The following FAR2 variants were observed in gnomAD, a reference collection of about 807,000 sequenced individuals.
The protein encoded by FAR2 is epididymis secretory protein Li 81.
FAR2 carries 19 observed loss-of-function variants against 56.0 expected under a neutral mutation model. The ratio of observed to expected loss-of-function variants is 0.34; its 90% confidence interval spans 0.24 to 0.50. The LOEUF (loss-of-function observed/expected upper bound fraction) is 0.50, where lower values mean the gene tolerates loss of function less well. FAR2 is among the 20% of genes least tolerant of loss of function. The pLI, the probability that FAR2 is intolerant of heterozygous loss-of-function variation, is 0.98. For synonymous variants in FAR2, 219 were observed against 218.8 expected (o/e 1.00, Z -0.01); for missense variants, 508 against 642.2 (o/e 0.79, Z 2.26).
chr12:29,239,451 A>G (rs1947991354), intron 1 of FAR2, among the ~76,000 whole-genome samples: 3 of 60,300 alleles, frequency 5.0e-5, no homozygotes, highest in Admixed American at 2.1e-4. Context: ...AAATGAATCA[A>G]CTGTGTGTGT....
chr12:29,168,135 G>C (rs1266991598), intron 1 of FAR2, among the ~76,000 whole-genome samples: 1 of 152,164 alleles, frequency 6.6e-6, no homozygotes, highest in East Asian at 1.9e-4. Context: ...TGCCAGGGAA[G>C]TCTTTCCTGC....
At chr12:29,318,740 T>C (rs1172164816) in intron 9 of FAR2, among the ~76,000 whole-genome samples, 3 of 152,206 alleles carry the variant, frequency 2.0e-5, no homozygotes, top group Admixed American at 6.5e-5. Context: ...TAATTTTCCA[T>C]GAAAATCTAA....
intron 1 of FAR2, among the ~76,000 whole-genome samples, chr12:29,260,892 A>C (rs1241332431): frequency 6.6e-6 from 1 of 152,204 alleles, no homozygotes; most frequent in Non-Finnish European, 1.5e-5. Context: ...CCACCAAGGC[A>C]GTACCTTCAT....
In FAR2 at chr12:29,333,689, TCTC is replaced by T; in HGVS notation, c.1444_1446del (p.Leu482del). Reference sequence around the variant, plus strand: ...CCCTCTTCCTTATCGCCTGGCGCCTTCTCATTGCAAGATCTCAGATGGCTCGGA... The same window carrying T: ...CCCTCTTCCTTATCGCCTGGCGCCTTATTGCAAGATCTCAGATGGCTCGGA... On this transcript the variant is annotated inframe_deletion, in exon 12 of 12. Transcript: ENST00000536681. 1.2e-6 allele frequency: 2 copies of T among 1,613,892 alleles called. No homozygotes were observed. Among genetic ancestry groups the T allele is most frequent in the African/African-American group, 1.3e-5 (1 of 75,038 alleles).
intron 1 of FAR2, among the ~76,000 whole-genome samples, chr12:29,257,127 G>A (rs1022561909): frequency 3.9e-5 from 6 of 152,244 alleles, no homozygotes; most frequent in African/African-American, 1.4e-4. Context: ...GGGACGTGGA[G>A]AACCTTTGTG....
chr12:29,276,788 T>G (rs1948708751), intron 2 of FAR2, among the ~76,000 whole-genome samples: 1 of 151,908 alleles, frequency 6.6e-6, no homozygotes, highest in Non-Finnish European at 1.5e-5. Context: ...TATTTTTTTA[T>G]ATTTTTTAAG....
chr12:29,204,946 A>G (rs1947462329), intron 1 of FAR2, among the ~76,000 whole-genome samples: 1 of 152,206 alleles, frequency 6.6e-6, no homozygotes, highest in South Asian at 2.1e-4. Flanking sequence ...AATGGAGATT[A>G]TAATTCAACA....
At chr12:29,312,051 G>A in intron 8 of FAR2, 101 bp downstream of exon 8, 1 of 765,862 alleles carries the variant, frequency 1.3e-6, no homozygotes, top group East Asian at 2.6e-5. Flanking sequence ...TGGGGAGAAA[G>A]ACAAAAAGTA....
At chr12:29,171,083 A>G (rs1248681497) in intron 1 of FAR2, among the ~76,000 whole-genome samples, 1 of 152,264 alleles carries the variant, frequency 6.6e-6, no homozygotes, top group African/African-American at 2.4e-5. Context: ...ATACCTGATT[A>G]CAGGCTGTTC....
At chr12:29,183,347 A>C (rs889314534) in intron 1 of FAR2, among the ~76,000 whole-genome samples, 4 of 152,098 alleles carry the variant, frequency 2.6e-5, no homozygotes, top group Non-Finnish European at 4.4e-5. Flanking sequence ...TATCACCTAC[A>C]TATCAATGAC....
Position 29,334,934 on chromosome 12 carries a change from T to C in FAR2, c.*1140T>C, listed in dbSNP as rs770329445. 5 of 152,194 alleles carry C rather than the reference T, an allele frequency of 3.3e-5. No individual in the cohort carries two copies. The highest frequency in any genetic ancestry group is 7.4e-5 in the Non-Finnish European group (5 of 68,024). 9.4% of individuals were successfully genotyped at this position (152,194 alleles called of 1,614,324 possible). A position where few individuals can be genotyped will look rare whatever the true frequency, so the allele number is the denominator to read the frequency against. ...AATACAAACTAATGAAAACTATACATATTCTCCAATTCCTATAGTAATAAT... is the reference window on the plus strand; with the variant it reads ...AATACAAACTAATGAAAACTATACACATTCTCCAATTCCTATAGTAATAAT... On this transcript the variant is annotated 3_prime_UTR_variant, in exon 12 of 12. Transcript: ENST00000536681.
chr12:29,151,021 T>A (rs2136568670), intron 1 of FAR2, among the ~76,000 whole-genome samples: 1 of 152,318 alleles, frequency 6.6e-6, no homozygotes, highest in South Asian at 2.1e-4. Context: ...TATTAGGGTA[T>A]CACTTTGGGG....
At chr12:29,239,482 G>GTGTGTGTGTGTGTA (rs1947993311) in intron 1 of FAR2, among the ~76,000 whole-genome samples, 1 of 151,336 alleles carries the variant, frequency 6.6e-6, no homozygotes, top group Non-Finnish European at 1.5e-5. Flanking sequence ...GTGTGTGTGT[G>GTGTGTGTGTGTGTA]TATAAAACTT....
chr12:29,169,580 C>T (rs1288723866), intron 1 of FAR2, among the ~76,000 whole-genome samples: 2 of 152,124 alleles, frequency 1.3e-5, no homozygotes, highest in East Asian at 1.9e-4. Context: ...CTGTAAATGC[C>T]GGGCAGCGTT....
At chr12:29,272,396 T>TTAA (rs1948634571) in intron 2 of FAR2, among the ~76,000 whole-genome samples, 1 of 152,222 alleles carries the variant, frequency 6.6e-6, no homozygotes, top group Admixed American at 6.5e-5. Flanking sequence ...TAAACTCTGA[T>TTAA]ATCCTTTCTT....
intron 5 of FAR2, among the ~76,000 whole-genome samples, chr12:29,308,717 C>CATATATAT (rs1257059758): frequency 3.1e-5 from 4 of 129,342 alleles, no homozygotes; most frequent in Non-Finnish European, 6.6e-5. Context: ...CACACACACA[C>CATATATAT]ACATATATAT....
intron 1 of FAR2, among the ~76,000 whole-genome samples, chr12:29,176,008 A>G (rs1033018192): frequency 3.9e-5 from 6 of 152,226 alleles, no homozygotes; most frequent in Non-Finnish European, 7.3e-5. Context: ...AAGCTAGGTG[A>G]CCTCAGTTTA....
rs536430326 is a variant in FAR2, at chr12:29,306,803, G to A, written c.546-855G>A. Among the ~76,000 whole-genome samples the A allele has an allele frequency of 1.2e-4, 19 of 152,242 alleles. No individual in the cohort carries two copies. The South Asian group carries it at 3.9e-3, about 32-fold the overall frequency. On this transcript the variant is annotated intron_variant, in intron 4 of 11. Coordinates refer to ENST00000536681, the MANE Select transcript of FAR2 (RefSeq NM_001271783.2). Reference sequence around the variant, plus strand: ...TCATGATACATTATCTTGTAAGTAGGAGTAGTCAATAATCGTGATTTTGAA... The same window carrying A: ...TCATGATACATTATCTTGTAAGTAGAAGTAGTCAATAATCGTGATTTTGAA...
chr12:29,246,818 A>G (rs540673672), intron 1 of FAR2, among the ~76,000 whole-genome samples: 1 of 152,096 alleles, frequency 6.6e-6, no homozygotes, highest in Admixed American at 6.5e-5. Flanking sequence ...TTTTAAATAG[A>G]ATTGCATATT....
Sources: gnomAD v4.1 joint callset for allele counts (sites outside exome capture counted in the v4.1 genomes callset) on GRCh38, gnomAD v4.1.1 for gene constraint, MANE v1.5 for transcripts, NCBI Gene and HGNC (gene_info 2026-07-23, HGNC 2026-07-21) for gene names.